The following CNTN4 variants were observed in gnomAD, a reference collection of about 807,000 sequenced individuals.
CNTN4 encodes contactin-4.
Under a neutral mutation model 122.5 loss-of-function variants are expected in CNTN4, and 77 were observed. The ratio of observed to expected loss-of-function variants is 0.63; its 90% CI spans 0.52 to 0.76. The LOEUF is 0.76. Ranked by LOEUF, CNTN4 falls within the 30% of genes least tolerant of loss-of-function variation. The probability of loss-of-function intolerance (pLI) is 0.00; values close to 1 mark genes in which losing one functional copy is unlikely to be tolerated. For missense variants in CNTN4, 1,256 were observed against 1,259.1 expected, an observed-to-expected ratio of 1.00 and a Z score of 0.04; for synonymous variants, 512 against 447.0, an observed-to-expected ratio of 1.15 and a Z score of -1.83.
At chr3:2,126,612 A>G (rs571689179) in intron 2 of CNTN4, among the ~76,000 whole-genome samples, 11 of 152,276 alleles carry the variant, frequency 7.2e-5, no homozygotes, top group Admixed American at 4.6e-4. Flanking sequence ...TTAGCACGTA[A>G]TTGTTTTGAC....
intron 2 of CNTN4, among the ~76,000 whole-genome samples, chr3:2,146,679 G>C (rs1393136942): frequency 1.3e-5 from 2 of 152,112 alleles, no homozygotes; most frequent in East Asian, 3.9e-4. Flanking sequence ...AGTGTGGTGG[G>C]AAAGAAAGAT....
intron 4 of CNTN4, among the ~76,000 whole-genome samples, chr3:2,691,119 T>C (rs1418853653): frequency 1.3e-5 from 2 of 152,216 alleles, no homozygotes; most frequent in Non-Finnish European, 2.9e-5. Flanking sequence ...TTAATATGTA[T>C]GGCTTGTCTC....
At chr3:2,346,429 C>G (rs1352383895) in intron 3 of CNTN4, among the ~76,000 whole-genome samples, 2 of 151,990 alleles carry the variant, frequency 1.3e-5, no homozygotes, top group Non-Finnish European at 2.9e-5. Context: ...CATAGATTTT[C>G]TTATATACTG....
intron 10 of CNTN4, among the ~76,000 whole-genome samples, chr3:2,898,218 T>C (rs1288681717): frequency 1.3e-5 from 2 of 152,224 alleles, no homozygotes; most frequent in Non-Finnish European, 2.9e-5. Flanking sequence ...ATATATAATA[T>C]GATACTTCAT....
intron 6 of CNTN4, among the ~76,000 whole-genome samples, chr3:2,752,003 G>T (rs2090118457): frequency 6.6e-6 from 1 of 152,054 alleles, no homozygotes; most frequent in Non-Finnish European, 1.5e-5. Context: ...TTTTAAGGTT[G>T]TTAGCAAGAT....
chr3:3,024,999 G>T (rs1698609377), intron 14 of CNTN4, among the ~76,000 whole-genome samples: 1 of 152,132 alleles, frequency 6.6e-6, no homozygotes, highest in Non-Finnish European at 1.5e-5. Context: ...GCTCGGTTTG[G>T]TTTAGTATGT....
At chr3:2,533,216 G>A (rs2077666253) in intron 3 of CNTN4, among the ~76,000 whole-genome samples, 1 of 150,906 alleles carries the variant, frequency 6.6e-6, no homozygotes, top group African/African-American at 2.4e-5. Flanking sequence ...CATGTGCCAT[G>A]TTGGTGTGCT....
intron 2 of CNTN4, among the ~76,000 whole-genome samples, chr3:2,275,919 C>CA (rs767326367): frequency 0.035 from 3,696 of 107,002 alleles, 93 homozygotes; most frequent in Middle Eastern, 0.06. Context: ...GACTCTGTCT[C>CA]AAAAAAAAAA....
intron 14 of CNTN4, among the ~76,000 whole-genome samples, chr3:2,993,463 A>G (rs923835049): frequency 8.6e-5 from 13 of 151,688 alleles, no homozygotes; most frequent in African/African-American, 2.9e-4. Context: ...ACGCCCAGCT[A>G]ATTTTTGTAT....
intron 7 of CNTN4, among the ~76,000 whole-genome samples, chr3:2,858,661 T>C (rs1366591805): frequency 6.6e-6 from 1 of 150,984 alleles, no homozygotes; most frequent in Non-Finnish European, 1.5e-5. Flanking sequence ...TGGTGGAGGC[T>C]GCACCCCGGC....
At chr3:2,500,312 G>A (rs2076562787) in intron 3 of CNTN4, among the ~76,000 whole-genome samples, 1 of 151,964 alleles carries the variant, frequency 6.6e-6, no homozygotes, top group Non-Finnish European at 1.5e-5. Context: ...CTTATTATAA[G>A]TGTTCTTTTT....
chr3:2,266,740 C>A (rs984313818), intron 2 of CNTN4, among the ~76,000 whole-genome samples: 6 of 152,052 alleles, frequency 3.9e-5, no homozygotes, highest in African/African-American at 1.4e-4. Flanking sequence ...TTTGGAAATA[C>A]CACAATGTTG....
At chr3:2,489,058 T>C (rs145006793) in intron 3 of CNTN4, among the ~76,000 whole-genome samples, 14 of 152,128 alleles carry the variant, frequency 9.2e-5, no homozygotes, top group African/African-American at 3.1e-4. Flanking sequence ...TTTTGCAAAT[T>C]ACTTTTTTTT....
At chr3:2,526,327 G>A (rs1025570524) in intron 3 of CNTN4, among the ~76,000 whole-genome samples, 6 of 152,098 alleles carry the variant, frequency 3.9e-5, no homozygotes, top group Non-Finnish European at 5.9e-5. Context: ...AGTGTATCAG[G>A]TAGTTTCACC....
chr3:2,738,485 C>T (rs1047130893), intron 5 of CNTN4, among the ~76,000 whole-genome samples: 27 of 152,210 alleles, frequency 1.8e-4, no homozygotes, highest in African/African-American at 6.3e-4. Context: ...AAAAGACATA[C>T]TTGAGGTGGA....
intron 2 of CNTN4, among the ~76,000 whole-genome samples, chr3:2,111,973 T>C (rs1447169279): frequency 6.6e-6 from 1 of 152,154 alleles, no homozygotes; most frequent in Non-Finnish European, 1.5e-5. Flanking sequence ...CATATGCTTT[T>C]ATCTATGGGA....
At chr3:2,167,733 C>T (rs532071409) in intron 2 of CNTN4, among the ~76,000 whole-genome samples, 2 of 152,182 alleles carry the variant, frequency 1.3e-5, no homozygotes, top group South Asian at 4.1e-4. Context: ...TAAATGAAAA[C>T]ATTCGAACAA....
At chr3:2,946,708 T>C (rs2094682837) in intron 13 of CNTN4, among the ~76,000 whole-genome samples, 1 of 148,292 alleles carries the variant, frequency 6.7e-6, no homozygotes, top group African/African-American at 2.5e-5. Flanking sequence ...TTTTTTCTTT[T>C]TTTTTTTTTT....
intron 2 of CNTN4, among the ~76,000 whole-genome samples, chr3:2,162,202 C>G (rs1304914221): frequency 6.6e-6 from 1 of 152,124 alleles, no homozygotes; most frequent in Non-Finnish European, 1.5e-5. Flanking sequence ...TGTGTTTGTA[C>G]TTGAATTACT....
Sources: allele counts gnomAD v4.1 joint callset (sites outside exome capture counted in the v4.1 genomes callset), GRCh38; gene constraint gnomAD v4.1.1; transcripts MANE v1.5; gene names NCBI Gene and HGNC (gene_info 2026-07-23, HGNC 2026-07-21).